Variants in ATP10B observed in about 807,000 individuals in gnomAD.
ATP10B encodes the protein ATPase phospholipid transporting 10B (putative), also known as phospholipid-transporting ATPase VB.
A neutral mutation model predicts 141.2 loss-of-function variants in ATP10B; 122 were observed. The ratio of observed to expected loss-of-function variants is 0.86; its 90% confidence interval spans 0.75 to 1.00. ATP10B has a LOEUF of 1.00. ATP10B is among the 50% of genes least tolerant of loss of function. The probability of loss-of-function intolerance (pLI) is 0.00; values close to 1 mark genes in which losing one functional copy is unlikely to be tolerated. For synonymous variants in ATP10B, 685 were observed against 692.0 expected, an observed-to-expected ratio of 0.99 and a Z score of 0.16; for missense variants, 1,876 against 1,825.3, an observed-to-expected ratio of 1.03 and a Z score of -0.51.
chr5:160,586,597 G>C (rs1012198089), intron 24 of ATP10B, among the ~76,000 whole-genome samples: 1 of 152,242 alleles, frequency 6.6e-6, no homozygotes, highest in Non-Finnish European at 1.5e-5. Context: ...CCCACCAACA[G>C]TGTAAAAGCG....
At chr5:160,861,617 G>A in the ATP10B span, among the ~76,000 whole-genome samples, 2 of 151,830 alleles carry the variant, frequency 1.3e-5, no homozygotes, top group African/African-American at 2.4e-5. Flanking sequence ...TGTATATGCT[G>A]TGCAGTAGAA....
intron 1 of ATP10B, among the ~76,000 whole-genome samples, chr5:160,790,167 T>C (rs1771465824): frequency 6.6e-6 from 1 of 152,148 alleles, no homozygotes; most frequent in Non-Finnish European, 1.5e-5. Context: ...CCTGTCACCT[T>C]ATTTTCTTTA....
intron 2 of ATP10B, among the ~76,000 whole-genome samples, chr5:160,761,126 C>G (rs1038251098): frequency 2.6e-4 from 40 of 152,138 alleles, no homozygotes; most frequent in African/African-American, 9.4e-4. Flanking sequence ...ACAGAACCAC[C>G]CTCCTCCAAA....
chr5:160,644,175 T>A lies in ATP10B; in HGVS notation c.831A>T (p.Arg277Ser). Residue 277 changes from arginine to serine, a missense_variant, in exon 9 of 26, where the codon AGA becomes AGT. Coordinates refer to ENST00000327245, the MANE Select transcript of ATP10B (RefSeq NM_025153.3). ...ESLLLRGCTI[R>S]NTEMAVGIVI... ...CAATGCCAACAGCCATCTCGGTGTT[T>A]CTGATGGTGCAGCCTCGAAGCAGAA... 1 of 1,613,862 alleles carries A rather than the reference T, an allele frequency of 6.2e-7. No individual in the cohort carries two copies. The highest frequency in any genetic ancestry group is 8.5e-7 in the Non-Finnish European group (1 of 1,179,904).
chr5:160,609,107 C>A (rs1214266578), intron 18 of ATP10B, among the ~76,000 whole-genome samples: 1 of 151,926 alleles, frequency 6.6e-6, no homozygotes, highest in Non-Finnish European at 1.5e-5. Flanking sequence ...TTAATATTAT[C>A]AATTTTAGTA....
chr5:160,867,048 G>A, the ATP10B span, among the ~76,000 whole-genome samples: 1 of 152,126 alleles, frequency 6.6e-6, no homozygotes, highest in African/African-American at 2.4e-5. Context: ...GTTCCATCAT[G>A]TACTAGCTAT....
intron 1 of ATP10B, among the ~76,000 whole-genome samples, chr5:160,839,591 T>C (rs770935540): frequency 3.3e-5 from 5 of 152,064 alleles, no homozygotes; most frequent in African/African-American, 4.8e-5. Context: ...ACAGTAAATA[T>C]AGTGCTTATA....
chr5:160,645,619 C>A (rs898354990), intron 8 of ATP10B, among the ~76,000 whole-genome samples: 8 of 152,180 alleles, frequency 5.3e-5, no homozygotes, highest in Non-Finnish European at 1.0e-4. Flanking sequence ...ACTTCTGAGT[C>A]CAATCAACTC....
intron 2 of ATP10B, among the ~76,000 whole-genome samples, chr5:160,783,979 A>G (rs1180913731): frequency 6.6e-6 from 1 of 152,114 alleles, no homozygotes; most frequent in Non-Finnish European, 1.5e-5. Flanking sequence ...CCCACTTATC[A>G]TCGCGGCTCA....
chr5:160,761,907 C>A (rs4371793), intron 2 of ATP10B, among the ~76,000 whole-genome samples: 47,922 of 151,924 alleles, frequency 0.32, 7,907 homozygotes, highest in Non-Finnish European at 0.36. Context: ...CTGGAAATAA[C>A]AGGTACACTT....
chr5:160,620,281 C>T, intron 15 of ATP10B, 66 bp downstream of exon 15: 1 of 1,522,174 alleles, frequency 6.6e-7, no homozygotes, highest in Non-Finnish European at 8.8e-7. Flanking sequence ...TTCTTATTAC[C>T]ATTCCACACT....
At chr5:160,745,216 A>T (rs952544644) in intron 2 of ATP10B, among the ~76,000 whole-genome samples, 10 of 152,368 alleles carry the variant, frequency 6.6e-5, no homozygotes, top group South Asian at 4.1e-4. Flanking sequence ...CTGGCATTCT[A>T]TGTAGGATTT....
At chr5:160,665,776 A>T (rs893797271) in intron 7 of ATP10B, among the ~76,000 whole-genome samples, 1 of 152,214 alleles carries the variant, frequency 6.6e-6, no homozygotes, top group African/African-American at 2.4e-5. Context: ...GATGGTAAAA[A>T]TGAGTGTGGG....
intron 2 of ATP10B, among the ~76,000 whole-genome samples, chr5:160,761,180 G>C (rs528809179): frequency 5.5e-4 from 84 of 152,262 alleles, no homozygotes; most frequent in African/African-American, 2.0e-3. Flanking sequence ...CAACACCATG[G>C]CTAACCAGAG....
At chr5:160,756,073 C>T (rs1768578220) in intron 2 of ATP10B, among the ~76,000 whole-genome samples, 1 of 151,220 alleles carries the variant, frequency 6.6e-6, no homozygotes, top group Admixed American at 6.6e-5. Flanking sequence ...TTTATAAGTC[C>T]CCACAACTCC....
intron 13 of ATP10B, among the ~76,000 whole-genome samples, chr5:160,623,612 A>G (rs530706985): frequency 1.3e-5 from 2 of 152,072 alleles, no homozygotes; most frequent in African/African-American, 4.8e-5. Context: ...AGATTTTCAC[A>G]TCTTTCTAGA....
chr5:160,864,316 C>T, the ATP10B span, among the ~76,000 whole-genome samples: 3 of 151,674 alleles, frequency 2.0e-5, no homozygotes, highest in Non-Finnish European at 4.4e-5. Flanking sequence ...TAAAGAGAAT[C>T]GAAAACAAAA....
At chr5:160,658,985 T>C (rs1394849618) in intron 7 of ATP10B, among the ~76,000 whole-genome samples, 1 of 152,202 alleles carries the variant, frequency 6.6e-6, no homozygotes, top group Non-Finnish European at 1.5e-5. Flanking sequence ...TGGTTTTCAT[T>C]TGAGATATCA....
chr5:160,867,247 G>A, the ATP10B span, among the ~76,000 whole-genome samples: 1 of 151,710 alleles, frequency 6.6e-6, no homozygotes, highest in Admixed American at 6.6e-5. Context: ...GCTTAAAAAT[G>A]GTGGCTATTA....
Sources: allele counts gnomAD v4.1 joint callset (sites outside exome capture counted in the v4.1 genomes callset), GRCh38; gene constraint gnomAD v4.1.1; transcripts MANE v1.5; gene names NCBI Gene and HGNC (gene_info 2026-07-23, HGNC 2026-07-21).